The following IQCM variants were observed in gnomAD, a reference collection of about 807,000 sequenced individuals.
IQCM encodes the protein IQ motif containing M, also known as IQ domain-containing protein M.
In IQCM, 45 loss-of-function variants were observed where a neutral mutation model predicts 57.6. That is an observed-to-expected ratio of 0.78 (90% CI 0.62 to 1.00). IQCM has a LOEUF of 1.00. IQCM is among the 50% of genes least tolerant of loss of function. The pLI is 0.00. For synonymous variants in IQCM, 148 were observed against 158.9 expected (o/e 0.93, Z 0.51); for missense variants, 468 against 511.6 (o/e 0.91, Z 0.82).
chr4:149,578,001 T>G (rs543179444), intron 9 of IQCM, among the ~76,000 whole-genome samples: 1 of 151,928 alleles, frequency 6.6e-6, no homozygotes, highest in East Asian at 2.0e-4. Flanking sequence ...AATGGAATTG[T>G]GTTCCTGATT....
chr4:149,465,581 G>A (rs1244752183), intron 12 of IQCM, among the ~76,000 whole-genome samples: 3 of 152,214 alleles, frequency 2.0e-5, no homozygotes, highest in Admixed American at 1.3e-4. Context: ...CCACAACTGG[G>A]GGAAATGAAG....
intron 12 of IQCM, among the ~76,000 whole-genome samples, chr4:149,512,156 C>A (rs1317246521): frequency 1.3e-5 from 2 of 152,198 alleles, no homozygotes; most frequent in African/African-American, 2.4e-5. Context: ...ACCCCTTAGG[C>A]TCCAGAGCAA....
intron 5 of IQCM, among the ~76,000 whole-genome samples, chr4:149,693,274 T>G (rs1763079034): frequency 6.6e-6 from 1 of 152,194 alleles, no homozygotes; most frequent in Non-Finnish European, 1.5e-5. Context: ...AACCCTTTAC[T>G]TGAATGATAT....
intron 13 of IQCM, among the ~76,000 whole-genome samples, chr4:149,410,156 C>T (rs1271510250): frequency 2.6e-5 from 4 of 152,168 alleles, no homozygotes; most frequent in Non-Finnish European, 5.9e-5. Flanking sequence ...CCACTCCAGC[C>T]TGGGCTACAG....
At chr4:149,806,810 C>A (rs993697056) in intron 2 of IQCM, among the ~76,000 whole-genome samples, 2 of 151,708 alleles carry the variant, frequency 1.3e-5, no homozygotes, top group Middle Eastern at 6.8e-3. Context: ...GAAGGATAAA[C>A]AAATCAAACT....
In IQCM at chr4:149,733,503, T is replaced by A. The variant is rs980463959; in HGVS notation, c.126A>T (p.Lys42Asn). The stretch of plus-strand genomic sequence containing the variant: ...AAACATTTATAGAAGTACCTTGAAC[T>A]TTATTCTATGAATAAAACAAAAATA... Reference protein sequence around the residue: ...AQHYEKINENKVQGTSINVFR... With the variant: ...AQHYEKINENNVQGTSINVFR... Residue 42 changes from lysine (K) to asparagine (N), a missense_variant, in exon 5 of 14, where the codon AAA becomes AAT. Physicochemically the swap from Lys to Asn is moderately conservative, Grantham distance 94. Coordinates refer to ENST00000636793, the MANE Select transcript of IQCM (RefSeq NM_001363507.2). 8.2e-7 allele frequency: 1 copy of A among 1,222,098 alleles called. No individual in the cohort carries two copies. Among genetic ancestry groups the A allele is most frequent in the Non-Finnish European group, 1.0e-6 (1 of 978,960 alleles). 75.7% of individuals were successfully genotyped at this position (1,222,098 alleles called of 1,614,324 possible). A position where few individuals can be genotyped will look rare whatever the true frequency, so the allele number is the denominator to read the frequency against.
chr4:149,467,136 T>C (rs1201685419), intron 12 of IQCM, among the ~76,000 whole-genome samples: 1 of 152,212 alleles, frequency 6.6e-6, no homozygotes, highest in African/African-American at 2.4e-5. Flanking sequence ...CAGGCAATAG[T>C]GTGCTATCAC....
chr4:149,615,560 A>T (rs1226372187), intron 8 of IQCM, among the ~76,000 whole-genome samples: 3 of 152,220 alleles, frequency 2.0e-5, no homozygotes, highest in Admixed American at 2.0e-4. Context: ...CGTTTAAAGC[A>T]TAAAGACATA....
intron 2 of IQCM, among the ~76,000 whole-genome samples, chr4:149,779,041 G>A (rs1470881648): frequency 6.6e-6 from 1 of 151,926 alleles, no homozygotes; most frequent in Middle Eastern, 3.2e-3. Context: ...ACAATTAAAG[G>A]ACTCATATTC....
At chr4:149,442,929 C>G (rs1007629355) in intron 12 of IQCM, among the ~76,000 whole-genome samples, 3 of 49,914 alleles carry the variant, frequency 6.0e-5, no homozygotes, top group African/African-American at 2.3e-4. Context: ...TCTCAATACA[C>G]ACACACACAC....
intron 12 of IQCM, among the ~76,000 whole-genome samples, chr4:149,472,699 T>G (rs1739711452): frequency 6.6e-6 from 1 of 152,162 alleles, no homozygotes; most frequent in African/African-American, 2.4e-5. Context: ...GCTGAAGGCA[T>G]CACACTACCT....
intron 7 of IQCM, among the ~76,000 whole-genome samples, chr4:149,642,281 G>A (rs1161496098): frequency 6.6e-6 from 1 of 152,064 alleles, no homozygotes; most frequent in Admixed American, 6.6e-5. Context: ...TCATATATAT[G>A]AAATGCTTGA....
At chr4:149,422,014 C>CG (rs1474786709) in intron 13 of IQCM, among the ~76,000 whole-genome samples, 4 of 151,880 alleles carry the variant, frequency 2.6e-5, no homozygotes, top group Non-Finnish European at 4.4e-5. Flanking sequence ...ATTTAACTGA[C>CG]AGTCAAACAA....
intron 9 of IQCM, among the ~76,000 whole-genome samples, chr4:149,570,589 CAG>C (rs544335752): frequency 1.2e-3 from 182 of 152,042 alleles, no homozygotes; most frequent in African/African-American, 4.1e-3. Flanking sequence ...AAAAAACTGA[CAG>C]GGGCAATAAA....
At chr4:149,403,419 G>A (rs1355525372) in intron 13 of IQCM, among the ~76,000 whole-genome samples, 1 of 151,932 alleles carries the variant, frequency 6.6e-6, no homozygotes, top group Non-Finnish European at 1.5e-5. Flanking sequence ...GATCATCATA[G>A]TTATGCCATT....
intron 13 of IQCM, among the ~76,000 whole-genome samples, chr4:149,399,707 T>C (rs1306985467): frequency 2.0e-5 from 3 of 152,108 alleles, no homozygotes; most frequent in Non-Finnish European, 4.4e-5. Flanking sequence ...CTTCATGCTC[T>C]GAATGCAACT....
At chr4:149,493,982 T>C (rs1742380952) in intron 12 of IQCM, among the ~76,000 whole-genome samples, 1 of 151,602 alleles carries the variant, frequency 6.6e-6, no homozygotes, top group Non-Finnish European at 1.5e-5. Flanking sequence ...TCCTTTGTGG[T>C]ACAAAAATTA....
intron 8 of IQCM, among the ~76,000 whole-genome samples, chr4:149,609,720 TA>T (rs1040038955): frequency 3.3e-5 from 5 of 151,978 alleles, no homozygotes; most frequent in African/African-American, 1.2e-4. Context: ...AAACTCGGTA[TA>T]GGGGGAACAT....
intron 12 of IQCM, among the ~76,000 whole-genome samples, chr4:149,478,503 T>G (rs951247754): frequency 3.3e-5 from 5 of 152,082 alleles, no homozygotes; most frequent in African/African-American, 1.2e-4. Flanking sequence ...ACATAATTAG[T>G]GAGAGGGATA....
Sources: gnomAD v4.1 joint callset for allele counts (sites outside exome capture counted in the v4.1 genomes callset) on GRCh38, gnomAD v4.1.1 for gene constraint, MANE v1.5 for transcripts, NCBI Gene and HGNC (gene_info 2026-07-23, HGNC 2026-07-21) for gene names.